RUBCN: variants seen among roughly 807,000 people sequenced by gnomAD.
RUBCN encodes the protein rubicon autophagy regulator, also known as run domain Beclin-1-interacting and cysteine-rich domain-containing protein.
A neutral mutation model predicts 113.2 loss-of-function variants in RUBCN; 74 were observed. The ratio of observed to expected loss-of-function variants is 0.65; its 90% CI spans 0.54 to 0.79. The LOEUF is 0.79. RUBCN is among the 30% of genes least tolerant of loss of function. The pLI, the probability that RUBCN is intolerant of heterozygous loss-of-function variation, is 0.00. For missense variants in RUBCN, 1,109 were observed against 1,251.7 expected, an observed-to-expected ratio of 0.89 and a Z score of 1.72; for synonymous variants, 480 against 490.0, an observed-to-expected ratio of 0.98 and a Z score of 0.27.
chr3:197,715,105 C>A (rs1199002709), intron 2 of RUBCN, among the ~76,000 whole-genome samples: 4 of 151,894 alleles, frequency 2.6e-5, no homozygotes, highest in Non-Finnish European at 4.4e-5. Flanking sequence ...GCCTGACCAA[C>A]ATGGAGAAAC....
chr3:197,693,876 C>T, intron 10 of RUBCN, 60 bp from the exon 11 acceptor site: 1 of 1,123,010 alleles, frequency 8.9e-7, no homozygotes, highest in Non-Finnish European at 1.4e-6. Context: ...CTTGTCCTTC[C>T]AGTGTCACAA....
At chr3:197,725,794 T>C (rs138448541) in intron 1 of RUBCN, among the ~76,000 whole-genome samples, 79 of 152,272 alleles carry the variant, frequency 5.2e-4, no homozygotes, top group African/African-American at 1.9e-3. Context: ...AACATACGGA[T>C]GAAAAATCCC....
intron 3 of RUBCN, 135 bp from the exon 4 acceptor site, chr3:197,704,836 G>T: frequency 9.4e-7 from 1 of 1,064,078 alleles, no homozygotes; most frequent in Non-Finnish European, 1.4e-6. Context: ...TCCCATGTAG[G>T]CAGGCTTTTT....
intron 14 of RUBCN, among the ~76,000 whole-genome samples, chr3:197,682,187 T>C (rs964047115): frequency 2.0e-5 from 3 of 151,986 alleles, no homozygotes; most frequent in African/African-American, 7.3e-5. Context: ...CATCCATCTA[T>C]CTTAGAAAGA....
At chr3:197,706,327 T>C (rs2108922481) in intron 2 of RUBCN, among the ~76,000 whole-genome samples, 1 of 152,214 alleles carries the variant, frequency 6.6e-6, no homozygotes, top group South Asian at 2.1e-4. Context: ...CTGAGACTAC[T>C]GGGTAGGGAT....
chr3:197,731,714 T>A (rs1168946039), intron 1 of RUBCN, among the ~76,000 whole-genome samples: 13 of 146,052 alleles, frequency 8.9e-5, no homozygotes, highest in Non-Finnish European at 1.9e-4. Context: ...GAGGCGCCCC[T>A]CACTTCCCGG....
chr3:197,749,326 G>T (rs947562914), exon 1 of RUBCN: 6 of 1,150,672 alleles, frequency 5.2e-6, no homozygotes, highest in Non-Finnish European at 6.5e-6. Flanking sequence ...CAGATGTTTT[G>T]AGAGTGCCGA....
intron 1 of RUBCN, among the ~76,000 whole-genome samples, chr3:197,733,208 C>T (rs922625291): frequency 6.6e-6 from 1 of 152,212 alleles, no homozygotes; most frequent in African/African-American, 2.4e-5. Context: ...CACAGTGGCT[C>T]ATGCTTGTAA....
chr3:197,694,252 GATAGAAAAAAAGTAGGACTAC>G, intron 10 of RUBCN, 102 bp downstream of exon 10: 1 of 882,212 alleles, frequency 1.1e-6, no homozygotes, highest in South Asian at 1.3e-5. Context: ...TTCCTAGCAT[GATAGAAAAAAAGTAGGACTAC>G]ATAGAAACAT....
Position 197,674,316 on chromosome 3 carries a change from G to T in RUBCN, c.*702C>A, listed in dbSNP as rs1467929861. The T allele has an allele frequency of 5.1e-6, 1 of 194,230 alleles. No homozygotes were observed. Among genetic ancestry groups the T allele is most frequent in the African/African-American group, 2.4e-5 (1 of 42,136 alleles). 12.0% of individuals were successfully genotyped at this position (194,230 alleles called of 1,614,324 possible). Reference sequence around the variant, plus strand: ...GCATCAGTTCTGTTCTTTGCTTCAAGATCACCAAGGTAGATGAAGAAAGTC... The same window carrying T: ...GCATCAGTTCTGTTCTTTGCTTCAATATCACCAAGGTAGATGAAGAAAGTC... On this transcript the variant is annotated 3_prime_UTR_variant, in exon 20 of 20. Coordinates refer to ENST00000296343, the MANE Select transcript of RUBCN (RefSeq NM_014687.4).
At chr3:197,725,887 A>G (rs1410517299) in intron 1 of RUBCN, among the ~76,000 whole-genome samples, 1 of 152,038 alleles carries the variant, frequency 6.6e-6, no homozygotes, top group African/African-American at 2.4e-5. Context: ...CTAAATACCA[A>G]CTTTGCTGCC....
intron 1 of RUBCN, among the ~76,000 whole-genome samples, chr3:197,735,621 T>C (rs796086297): frequency 2.0e-5 from 3 of 152,302 alleles, no homozygotes; most frequent in African/African-American, 7.2e-5. Flanking sequence ...AGACAGGGTC[T>C]TCCTCTGTCA....
chr3:197,728,402 G>T (rs1726997857), intron 1 of RUBCN, among the ~76,000 whole-genome samples: 1 of 152,140 alleles, frequency 6.6e-6, no homozygotes, highest in Non-Finnish European at 1.5e-5. Flanking sequence ...AAAATCATGT[G>T]ATCATCCTGC....
exon 1 of RUBCN, chr3:197,749,499 A>G (rs1370806187): frequency 7.8e-7 from 1 of 1,287,140 alleles, no homozygotes. Flanking sequence ...TGCAGCTGCA[A>G]TCTACACTCG....
At chr3:197,729,971 C>T (rs1056024053) in intron 1 of RUBCN, among the ~76,000 whole-genome samples, 1 of 152,008 alleles carries the variant, frequency 6.6e-6, no homozygotes, top group African/African-American at 2.4e-5. Context: ...CAGCCAATCA[C>T]TGAACATCCC....
rs138707605 is a variant in RUBCN, at chr3:197,716,707, C to T, written c.219+1270G>A. Among the ~76,000 whole-genome samples, 492 of 151,886 alleles carry T rather than the reference C, an allele frequency of 3.2e-3. 4 individuals are homozygous for T. Among genetic ancestry groups the T allele is most frequent in the African/African-American group, 9.5e-3 (393 of 41,362 alleles). On this transcript the variant is annotated intron_variant, in intron 2 of 19. Coordinates refer to ENST00000296343, the MANE Select transcript of RUBCN (RefSeq NM_014687.4). The stretch of plus-strand genomic sequence containing the variant: ...TTAAATTAAGGATTTTGAGATGGGG[C>T]GATTATACTGGATTGTCCATGTGGG...
chr3:197,749,631 T>C, exon 1 of RUBCN: 1 of 982,478 alleles, frequency 1.0e-6, no homozygotes, highest in South Asian at 1.3e-5. Flanking sequence ...ATTATATCAC[T>C]GAAGGCATAA....
chr3:197,684,004 C>G (rs542540394), intron 12 of RUBCN, among the ~76,000 whole-genome samples, 153 bp downstream of exon 12: 1 of 152,192 alleles, frequency 6.6e-6, no homozygotes, highest in Non-Finnish European at 1.5e-5. Flanking sequence ...GCTTTCTTCC[C>G]GTGGGCTCGG....
At chr3:197,724,801 G>A (rs1311301658) in intron 1 of RUBCN, among the ~76,000 whole-genome samples, 1 of 152,164 alleles carries the variant, frequency 6.6e-6, no homozygotes, top group East Asian at 1.9e-4. Flanking sequence ...GAAATAATAC[G>A]TTAATAGTGG....
Sources: allele counts gnomAD v4.1 joint callset (sites outside exome capture counted in the v4.1 genomes callset), GRCh38; gene constraint gnomAD v4.1.1; transcripts MANE v1.5; gene names NCBI Gene and HGNC (gene_info 2026-07-23, HGNC 2026-07-21).